Variants in STXBP6 observed in about 807,000 individuals in gnomAD.
STXBP6 encodes the protein syntaxin binding protein 6.
Under a neutral mutation model 26.9 loss-of-function variants are expected in STXBP6, and 21 were observed. The ratio of observed to expected loss-of-function variants is 0.78; its 90% CI spans 0.55 to 1.12. The LOEUF is 1.12. STXBP6 is among the 50% of genes most tolerant of loss of function. The pLI is 0.00. For missense variants in STXBP6, 232 were observed against 257.9 expected (o/e 0.90, Z 0.69); for synonymous variants, 97 against 92.6 (o/e 1.05, Z -0.27).
intron 2 of STXBP6, among the ~76,000 whole-genome samples, chr14:24,970,181 C>T (rs1296900986): frequency 6.6e-6 from 1 of 151,356 alleles, no homozygotes; most frequent in African/African-American, 2.4e-5. Context: ...GTGGAGGTTG[C>T]AGTGAGCTGA....
intron 2 of STXBP6, among the ~76,000 whole-genome samples, chr14:24,904,090 T>C (rs2071304138): frequency 6.6e-6 from 1 of 152,288 alleles, no homozygotes; most frequent in Admixed American, 6.5e-5. Flanking sequence ...TAGGCAAAGA[T>C]GTCAGAGGTT....
At chr14:25,019,242 A>G (rs2075216177) in intron 1 of STXBP6, among the ~76,000 whole-genome samples, 1 of 152,222 alleles carries the variant, frequency 6.6e-6, no homozygotes, top group Non-Finnish European at 1.5e-5. Flanking sequence ...TCAAGGTAGG[A>G]GAATCCAAGT....
intron 4 of STXBP6, among the ~76,000 whole-genome samples, chr14:24,823,821 A>C (rs777447322): frequency 6.6e-6 from 1 of 152,214 alleles, no homozygotes; most frequent in African/African-American, 2.4e-5. Flanking sequence ...AAATGTGTAA[A>C]ATAGATATGG....
At chr14:24,927,938 CACAG>C (rs2072238044) in intron 2 of STXBP6, among the ~76,000 whole-genome samples, 1 of 152,074 alleles carries the variant, frequency 6.6e-6, no homozygotes, top group African/African-American at 2.4e-5. Flanking sequence ...TAGTTTACCA[CACAG>C]ACAGCCTTTG....
At chr14:24,969,187 C>A (rs1038475245) in intron 2 of STXBP6, among the ~76,000 whole-genome samples, 3 of 152,124 alleles carry the variant, frequency 2.0e-5, no homozygotes, top group Admixed American at 1.3e-4. Flanking sequence ...AATCTAAAAC[C>A]ATTTTGAAAA....
At chr14:24,972,809 A>G (rs1295063177) in intron 2 of STXBP6, among the ~76,000 whole-genome samples, 2 of 152,172 alleles carry the variant, frequency 1.3e-5, no homozygotes, top group South Asian at 2.1e-4. Context: ...CCTGGGCAAC[A>G]TAACAAGACC....
chr14:24,923,145 G>A (rs1453601196), intron 2 of STXBP6, among the ~76,000 whole-genome samples: 1 of 151,966 alleles, frequency 6.6e-6, no homozygotes, highest in Non-Finnish European at 1.5e-5. Context: ...TAAATTTGAT[G>A]TTAACCATGC....
At chr14:24,977,933 T>C (rs1346397853) in intron 1 of STXBP6, among the ~76,000 whole-genome samples, 1 of 152,226 alleles carries the variant, frequency 6.6e-6, no homozygotes, top group Non-Finnish European at 1.5e-5. Context: ...GGCATCACTC[T>C]TTAGGATACT....
chr14:25,004,230 G>A (rs977309083), intron 1 of STXBP6, among the ~76,000 whole-genome samples: 1 of 152,150 alleles, frequency 6.6e-6, no homozygotes, highest in Admixed American at 6.5e-5. Flanking sequence ...CAACTAAAAC[G>A]GCTGAGTAGG....
chr14:24,926,443 T>C (rs2139853878), intron 2 of STXBP6, among the ~76,000 whole-genome samples: 1 of 152,292 alleles, frequency 6.6e-6, no homozygotes, highest in African/African-American at 2.4e-5. Context: ...AGTCTTCTAT[T>C]TTGGACGAAC....
intron 2 of STXBP6, among the ~76,000 whole-genome samples, chr14:24,908,759 A>G (rs1339464585): frequency 6.6e-6 from 1 of 152,324 alleles, no homozygotes; most frequent in Non-Finnish European, 1.5e-5. Flanking sequence ...GACTAGCAGC[A>G]GCTTTCAGGA....
intron 2 of STXBP6, among the ~76,000 whole-genome samples, chr14:24,918,501 C>CAG (rs1555326850): frequency 2.0e-5 from 3 of 146,492 alleles, no homozygotes; most frequent in South Asian, 4.3e-4. Flanking sequence ...CACACACACA[C>CAG]AGCAGGCATG....
chr14:24,851,633 G>A (rs376304689), intron 4 of STXBP6, among the ~76,000 whole-genome samples: 2 of 152,012 alleles, frequency 1.3e-5, no homozygotes, highest in Non-Finnish European at 2.9e-5. Flanking sequence ...GTCATCACAC[G>A]TATAACAGTA....
At chr14:24,837,671 G>A (rs2068658951) in intron 4 of STXBP6, among the ~76,000 whole-genome samples, 1 of 152,180 alleles carries the variant, frequency 6.6e-6, no homozygotes, top group South Asian at 2.1e-4. Context: ...TTTCGGCAAA[G>A]GCTAGGACAG....
chr14:24,829,334 C>T (rs1379419111), intron 4 of STXBP6, among the ~76,000 whole-genome samples: 2 of 152,068 alleles, frequency 1.3e-5, no homozygotes, highest in Admixed American at 6.6e-5. Context: ...ACTGTGATTG[C>T]AGTTTAAATT....
At chr14:24,953,921 T>G (rs2073255657) in intron 2 of STXBP6, among the ~76,000 whole-genome samples, 1 of 152,150 alleles carries the variant, frequency 6.6e-6, no homozygotes, top group Non-Finnish European at 1.5e-5. Flanking sequence ...CTTGCTGTTC[T>G]TGGGTGGGGT....
intron 1 of STXBP6, among the ~76,000 whole-genome samples, chr14:25,033,818 G>C (rs1318308101): frequency 1.3e-5 from 2 of 152,192 alleles, no homozygotes; most frequent in Non-Finnish European, 2.9e-5. Flanking sequence ...AACCTTGTCT[G>C]ATTTTGCTCA....
At chr14:24,861,679 C>A (rs2069542704) in intron 2 of STXBP6, among the ~76,000 whole-genome samples, 1 of 152,198 alleles carries the variant, frequency 6.6e-6, no homozygotes, top group Non-Finnish European at 1.5e-5. Flanking sequence ...TAAATGCTTT[C>A]AGAACAGGGA....
At chr14:25,042,379 G>A (rs1335898847) in intron 1 of STXBP6, among the ~76,000 whole-genome samples, 1 of 152,234 alleles carries the variant, frequency 6.6e-6, no homozygotes, top group Non-Finnish European at 1.5e-5. Context: ...AGGGCAAGGG[G>A]CACAGGCTCC....
Sources: gnomAD v4.1 joint callset for allele counts (sites outside exome capture counted in the v4.1 genomes callset) on GRCh38, gnomAD v4.1.1 for gene constraint, MANE v1.5 for transcripts, NCBI Gene and HGNC (gene_info 2026-07-23, HGNC 2026-07-21) for gene names.